Variants in AK5 observed in about 807,000 individuals in gnomAD.
AK5 encodes the protein adenylate kinase isoenzyme 5.
AK5 carries 27 observed loss-of-function variants against 69.5 expected under a neutral mutation model. That is an observed-to-expected ratio of 0.39 (90% CI 0.29 to 0.54). AK5 has a LOEUF of 0.54. AK5 is among the 20% of genes least tolerant of loss of function. The pLI is 0.71. For synonymous variants in AK5, 260 were observed against 244.4 expected (o/e 1.06, Z -0.60); for missense variants, 531 against 700.4 (o/e 0.76, Z 2.73).
intron 8 of AK5, among the ~76,000 whole-genome samples, chr1:77,454,154 T>C (rs138409076): frequency 6.6e-6 from 1 of 152,320 alleles, no homozygotes; most frequent in Admixed American, 6.5e-5. Flanking sequence ...CACAGGACAG[T>C]TGAGACCCCA....
intron 13 of AK5, among the ~76,000 whole-genome samples, chr1:77,546,937 C>T (rs571967377): frequency 1.3e-5 from 2 of 152,264 alleles, no homozygotes; most frequent in South Asian, 2.1e-4. Flanking sequence ...AAGCCACTGA[C>T]ACGTGAAAGC....
intron 6 of AK5, among the ~76,000 whole-genome samples, chr1:77,382,433 C>T (rs956459703): frequency 4.5e-4 from 69 of 152,154 alleles, no homozygotes; most frequent in African/African-American, 1.6e-3. Context: ...TCACTGCAAC[C>T]TCAAACTTCC....
At chr1:77,334,565 C>T (rs1389814914) in intron 5 of AK5, among the ~76,000 whole-genome samples, 1 of 152,130 alleles carries the variant, frequency 6.6e-6, no homozygotes, top group Non-Finnish European at 1.5e-5. Context: ...CTAGAGCCTT[C>T]TAACCATGTC....
At chr1:77,530,375 C>T (rs1658513330) in intron 12 of AK5, among the ~76,000 whole-genome samples, 1 of 152,210 alleles carries the variant, frequency 6.6e-6, no homozygotes. Flanking sequence ...TAGTGAGGTT[C>T]CCCCAAGGGG....
chr1:77,390,426 C>T (rs1648346143), intron 6 of AK5, among the ~76,000 whole-genome samples: 1 of 152,182 alleles, frequency 6.6e-6, no homozygotes, highest in Non-Finnish European at 1.5e-5. Context: ...GGCCTCATTA[C>T]TCAGTATCAG....
chr1:77,419,030 T>C (rs865929299), intron 8 of AK5, among the ~76,000 whole-genome samples: 5 of 142,544 alleles, frequency 3.5e-5, no homozygotes, highest in Non-Finnish European at 7.6e-5. Context: ...GAAGTAAGAA[T>C]TATTATCTCT....
chr1:77,382,879 C>T (rs1469458963), intron 6 of AK5, among the ~76,000 whole-genome samples: 1 of 152,166 alleles, frequency 6.6e-6, no homozygotes, highest in Non-Finnish European at 1.5e-5. Context: ...TCTTGAGACA[C>T]CTTTCATCTT....
intron 10 of AK5, among the ~76,000 whole-genome samples, chr1:77,491,304 ATTTTT>A (rs10700619): frequency 4.6e-5 from 4 of 87,368 alleles, no homozygotes; most frequent in Non-Finnish European, 8.5e-5. Context: ...CATGAATTGA[ATTTTT>A]TTTTTTTTTT....
intron 8 of AK5, among the ~76,000 whole-genome samples, chr1:77,450,564 A>T (rs950918001): frequency 9.2e-5 from 14 of 151,976 alleles, no homozygotes; most frequent in African/African-American, 2.4e-4. Flanking sequence ...AAAAATTATC[A>T]TTATCCCCAA....
At chr1:77,495,971 C>G (rs1570257199) in intron 10 of AK5, among the ~76,000 whole-genome samples, 1 of 152,168 alleles carries the variant, frequency 6.6e-6, no homozygotes, top group Non-Finnish European at 1.5e-5. Context: ...TGAGTTTCTA[C>G]TATATATCAG....
chr1:77,306,502 T>TTG (rs1553129866), intron 5 of AK5, among the ~76,000 whole-genome samples: 11 of 150,696 alleles, frequency 7.3e-5, no homozygotes, highest in African/African-American at 2.7e-4. Flanking sequence ...TTGTTTTTTT[T>TTG]TTTTTTTTTG....
chr1:77,443,165 T>G (rs1295510792), intron 8 of AK5, among the ~76,000 whole-genome samples: 2 of 152,172 alleles, frequency 1.3e-5, no homozygotes, highest in African/African-American at 4.8e-5. Context: ...CCTTAAGTCT[T>G]AGCACTTGAT....
chr1:77,557,185 C>G (rs566795386), intron 13 of AK5: 1 of 152,694 alleles, frequency 6.5e-6, no homozygotes, highest in Non-Finnish European at 1.5e-5. Flanking sequence ...CCATAGCACT[C>G]CATCAATGAT....
At chr1:77,539,569 C>G (rs575266611) in intron 13 of AK5, among the ~76,000 whole-genome samples, 1 of 152,204 alleles carries the variant, frequency 6.6e-6, no homozygotes, top group Non-Finnish European at 1.5e-5. Flanking sequence ...GCCCAGGAAG[C>G]TGAGATTTGT....
At chr1:77,321,515 C>CT (rs1340513333) in intron 5 of AK5, among the ~76,000 whole-genome samples, 1 of 151,834 alleles carries the variant, frequency 6.6e-6, no homozygotes, top group Non-Finnish European at 1.5e-5. Context: ...GCTTGATGTT[C>CT]TTTTTGATCA....
In AK5 at chr1:77,293,827, G is replaced by C; in HGVS notation, c.282G>C (p.Arg94=). ...MPENSNFPYR[R]YDRLPPIHQF... ...AAAACTCAAACTTTCCATATCGGCG[G>C]TATGACCGGCTCCCTCCAATCCATC... Residue 94 remains arginine (R), a synonymous_variant, in exon 3 of 14, where the codon CGG becomes CGC. Coordinates refer to ENST00000354567, the MANE Select transcript of AK5 (RefSeq NM_174858.3). 1 of 1,607,632 alleles carries C rather than the reference G, an allele frequency of 6.2e-7. No homozygotes were observed. Among genetic ancestry groups the C allele is most frequent in the Non-Finnish European group, 8.5e-7 (1 of 1,178,070 alleles).
chr1:77,499,900 T>TTTTTG (rs1656607744), intron 10 of AK5, among the ~76,000 whole-genome samples: 1 of 138,518 alleles, frequency 7.2e-6, no homozygotes, highest in Non-Finnish European at 1.5e-5. Flanking sequence ...TTTTTTTTTT[T>TTTTTG]TGGTTTGCTT....
At position 77,293,998 on chromosome 1, in the gene AK5, T is replaced by A. The variant is rs769372385; in HGVS notation, c.415+38T>A. On this transcript the variant is annotated intron_variant, in intron 3 of 13. Coordinates refer to ENST00000354567, the MANE Select transcript of AK5 (RefSeq NM_174858.3). ...AAAGCAAAAATTCTCATACCGTTGC[T>A]GCCTTTGTTTATATATTTACATTTC... 6.3e-6 allele frequency: 10 copies of A among 1,575,614 alleles called. No homozygotes were observed. In the South Asian group the frequency reaches 1.2e-4, roughly 19 times the overall value.
At chr1:77,464,795 G>A (rs942822347) in intron 8 of AK5, among the ~76,000 whole-genome samples, 14 of 152,162 alleles carry the variant, frequency 9.2e-5, no homozygotes, top group Non-Finnish European at 2.1e-4. Context: ...ACTGGTTTCA[G>A]GGATGCTAGT....
Sources: gnomAD v4.1 joint callset for allele counts (sites outside exome capture counted in the v4.1 genomes callset) on GRCh38, gnomAD v4.1.1 for gene constraint, MANE v1.5 for transcripts, NCBI Gene and HGNC (gene_info 2026-07-23, HGNC 2026-07-21) for gene names.